The following ATRNL1 variants were observed in gnomAD, a reference collection of about 807,000 sequenced individuals.
ATRNL1 encodes attractin-like protein 1.
ATRNL1 carries 95 observed loss-of-function variants against 182.7 expected under a neutral mutation model. That is an observed-to-expected ratio of 0.52 (90% CI 0.44 to 0.62). The LOEUF is 0.62. Ranked by LOEUF, ATRNL1 falls within the 20% of genes least tolerant of loss-of-function variation. The pLI is 0.00. For synonymous variants in ATRNL1, 576 were observed against 568.3 expected, an observed-to-expected ratio of 1.01 and a Z score of -0.19; for missense variants, 1,471 against 1,679.5, an observed-to-expected ratio of 0.88 and a Z score of 2.17.
chr10:115,462,083 T>A (rs1554969809), intron 22 of ATRNL1, 48 bp downstream of exon 22: 4 of 1,396,472 alleles, frequency 2.9e-6, no homozygotes, highest in South Asian at 1.3e-5. Context: ...GGACACAATT[T>A]TTTTTTCATA....
At chr10:115,705,693 G>A (rs1946875771) in intron 26 of ATRNL1, among the ~76,000 whole-genome samples, 1 of 151,838 alleles carries the variant, frequency 6.6e-6, no homozygotes, top group African/African-American at 2.4e-5. Context: ...AATAAAATAT[G>A]CATGTCCTAT....
At chr10:115,663,181 T>A (rs1555038622) in intron 26 of ATRNL1, among the ~76,000 whole-genome samples, 1 of 152,072 alleles carries the variant, frequency 6.6e-6, no homozygotes, top group African/African-American at 2.4e-5. Context: ...GAATTATTAT[T>A]ATTTCCACTT....
At chr10:115,513,578 A>G (rs946481635) in intron 24 of ATRNL1, among the ~76,000 whole-genome samples, 1 of 152,014 alleles carries the variant, frequency 6.6e-6, no homozygotes, top group African/African-American at 2.4e-5. Context: ...GCATAAATGT[A>G]TACCCCTTAA....
intron 1 of ATRNL1, among the ~76,000 whole-genome samples, chr10:115,119,620 T>C (rs1592126017): frequency 6.6e-6 from 1 of 152,028 alleles, no homozygotes; most frequent in East Asian, 1.9e-4. Context: ...ATTTTTTTTA[T>C]TTGTCCTGTT....
intron 27 of ATRNL1, among the ~76,000 whole-genome samples, chr10:115,740,973 A>T (rs972765913): frequency 3.9e-5 from 6 of 152,172 alleles, no homozygotes; most frequent in Non-Finnish European, 7.4e-5. Flanking sequence ...TTGGAAAATA[A>T]AAGTAATAAC....
chr10:115,498,996 T>C (rs1554979244), intron 24 of ATRNL1, among the ~76,000 whole-genome samples: 1 of 152,050 alleles, frequency 6.6e-6, no homozygotes, highest in Non-Finnish European at 1.5e-5. Context: ...AAAGATAGGT[T>C]ATGAAAAAAT....
chr10:115,643,689 TACTC>T (rs1324662645), intron 26 of ATRNL1, among the ~76,000 whole-genome samples: 1 of 152,138 alleles, frequency 6.6e-6, no homozygotes, highest in African/African-American at 2.4e-5. Context: ...AATATGATGA[TACTC>T]AATATCATTA....
chr10:115,758,972 G>T (rs1388016659), intron 27 of ATRNL1, among the ~76,000 whole-genome samples: 1 of 152,192 alleles, frequency 6.6e-6, no homozygotes, highest in Non-Finnish European at 1.5e-5. Context: ...TTTTGGTTAT[G>T]TAATAGTGTC....
chr10:115,495,570 T>G (rs973235303), intron 24 of ATRNL1, among the ~76,000 whole-genome samples: 3 of 152,216 alleles, frequency 2.0e-5, no homozygotes, highest in Non-Finnish European at 4.4e-5. Flanking sequence ...TTAATATCAT[T>G]GATTACCCCG....
intron 1 of ATRNL1, among the ~76,000 whole-genome samples, chr10:115,117,818 A>G (rs11197069): frequency 0.013 from 1,999 of 152,258 alleles, 41 homozygotes; most frequent in African/African-American, 0.046. Context: ...ATTCCCACAA[A>G]CAGTATAAGA....
At chr10:115,613,648 C>A (rs1857279716) in intron 26 of ATRNL1, among the ~76,000 whole-genome samples, 1 of 152,112 alleles carries the variant, frequency 6.6e-6, no homozygotes, top group South Asian at 2.1e-4. Context: ...GTGAACCCAT[C>A]AGGTACTGGG....
chr10:115,226,783 C>G (rs782494255), intron 9 of ATRNL1, among the ~76,000 whole-genome samples: 2 of 152,024 alleles, frequency 1.3e-5, no homozygotes, highest in African/African-American at 2.4e-5. Context: ...CACACACTTA[C>G]AATCATCTGA....
chr10:115,150,409 C>T (rs1156882607), intron 5 of ATRNL1, among the ~76,000 whole-genome samples: 2 of 151,094 alleles, frequency 1.3e-5, no homozygotes, highest in African/African-American at 4.9e-5. Flanking sequence ...TTTTCTAATT[C>T]TTTGAGGTGC....
intron 17 of ATRNL1, among the ~76,000 whole-genome samples, chr10:115,307,958 T>G (rs1333920089): frequency 6.6e-6 from 1 of 152,154 alleles, no homozygotes; most frequent in Non-Finnish European, 1.5e-5. Flanking sequence ...GTCTATTCAT[T>G]TAACATTTGA....
At chr10:115,133,657 C>T (rs988537595) in intron 5 of ATRNL1, among the ~76,000 whole-genome samples, 1 of 152,026 alleles carries the variant, frequency 6.6e-6, no homozygotes, top group Non-Finnish European at 1.5e-5. Flanking sequence ...AGGTTAACAG[C>T]GATATCCAGG....
At chr10:115,479,957 C>T (rs1437352773) in intron 24 of ATRNL1, among the ~76,000 whole-genome samples, 4 of 151,224 alleles carry the variant, frequency 2.6e-5, no homozygotes, top group Non-Finnish European at 3.0e-5. Flanking sequence ...AGCAAACTGG[C>T]TTTGACAATT....
intron 19 of ATRNL1, among the ~76,000 whole-genome samples, chr10:115,378,170 C>T (rs1554950060): frequency 5.9e-5 from 9 of 152,136 alleles, no homozygotes; most frequent in East Asian, 1.9e-4. Context: ...TTTACTAGCA[C>T]GTTCTTTGGT....
At chr10:115,363,362 GTTGT>G (rs1564956270) in intron 19 of ATRNL1, among the ~76,000 whole-genome samples, 6 of 147,116 alleles carry the variant, frequency 4.1e-5, no homozygotes, top group African/African-American at 7.5e-5. Flanking sequence ...TTTTGATGGG[GTTGT>G]TTGTTTTTTT....
intron 20 of ATRNL1, among the ~76,000 whole-genome samples, chr10:115,400,865 G>A (rs142883474): frequency 9.0e-4 from 137 of 152,108 alleles, no homozygotes; most frequent in East Asian, 8.5e-3. Flanking sequence ...CTTGAAGACA[G>A]CATACCAACG....
Sources: allele counts gnomAD v4.1 joint callset (sites outside exome capture counted in the v4.1 genomes callset), GRCh38; gene constraint gnomAD v4.1.1; transcripts MANE v1.5; gene names NCBI Gene and HGNC (gene_info 2026-07-23, HGNC 2026-07-21).